Variants in EXOC7 observed in about 807,000 individuals in gnomAD.
EXOC7 encodes the protein exocyst complex component 7.
Under a neutral mutation model 87.6 loss-of-function variants are expected in EXOC7, and 51 were observed. The ratio of observed to expected loss-of-function variants is 0.58; its 90% CI spans 0.46 to 0.73. EXOC7 has a LOEUF of 0.73. Among genes scored for constraint, EXOC7 ranks in the 30% least tolerant of loss-of-function variants. EXOC7 has a pLI of 0.00. For synonymous variants in EXOC7, 327 were observed against 357.1 expected (o/e 0.92, Z 0.95); for missense variants, 744 against 888.4 (o/e 0.84, Z 2.07).
At position 76,085,265 on chromosome 17, in the gene EXOC7, G is replaced by A. The variant is rs140032664; in HGVS notation, c.1712+49C>T. The A allele has an allele frequency of 1.6e-3, 2,292 of 1,447,980 alleles. 28 individuals are homozygous for A. In the African/African-American group the frequency reaches 0.027, roughly 17 times the overall value. 89.7% of individuals were successfully genotyped at this position (1,447,980 alleles called of 1,614,324 possible). ...CTGAGGTGCTGAGAAGGAAGAGTGC[G>A]TGGTGGCACAGGGGCCCATGCAGGA... is the stretch of plus-strand genomic sequence containing the variant. On this transcript the variant is annotated intron_variant, in intron 15 of 18. Coordinates refer to ENST00000589210, the MANE Select transcript of EXOC7 (RefSeq NM_001013839.4).
Position 76,081,382 on chromosome 17 carries a change from G to A in EXOC7, c.*2266C>T. The A allele has an allele frequency of 6.2e-7, 1 of 1,614,132 alleles. No homozygotes were observed. The highest frequency in any genetic ancestry group is 1.1e-5 in the South Asian group (1 of 91,092). On this transcript the variant is annotated 3_prime_UTR_variant, in exon 19 of 19. Transcript: ENST00000589210. ...GACCCAAGTCCCACCCCAGCAGCTG[G>A]TGCCCTGCTTCCAGGTGACGGTGAG...
chr17:76,088,279 C>A, intron 10 of EXOC7, 157 bp from the exon 11 acceptor site: 1 of 957,510 alleles, frequency 1.0e-6, no homozygotes. Context: ...GAGGCCCTTC[C>A]CACTTCAGAG....
chr17:76,095,141 T>C (rs1226129495), intron 5 of EXOC7, among the ~76,000 whole-genome samples: 1 of 151,488 alleles, frequency 6.6e-6, no homozygotes, highest in East Asian at 2.0e-4. Flanking sequence ...TTTGTATTTT[T>C]AGTAGAGATG....
rs1364315901 is a variant in EXOC7, at chr17:76,103,388, C to G, written c.99G>C (p.Glu33Asp). The G allele has an allele frequency of 6.2e-7, 1 of 1,607,252 alleles. No individual in the cohort carries two copies. Among genetic ancestry groups the G allele is most frequent in the Non-Finnish European group, 8.5e-7 (1 of 1,177,020 alleles). The change falls in exon 2 of 19, where the codon GAG (glutamate) becomes GAC (aspartate). Residue 33 changes from glutamate (E) to aspartate (D), a missense_variant. Physicochemically the swap from Glu to Asp is conservative, Grantham distance 45. This residue lies in a region of EXOC7 where 512 missense variants were observed against 573.0 expected (regional missense o/e 0.89). Transcript: ENST00000589210. ...TGTTCTTAGTGAGCTGGTCGCTCTT[C>G]TCCAGGCTGTCTCGGATGAAGGACA... ...ETLSFIRDSL[E>D]KSDQLTKNMV...
chr17:76,101,544 G>A, intron 3 of EXOC7, 135 bp downstream of exon 3: 3 of 1,345,074 alleles, frequency 2.2e-6, no homozygotes, highest in Middle Eastern at 2.2e-4. Context: ...TCACTGTGTT[G>A]TCCAGACTGG....
In EXOC7 at chr17:76,088,087, G is replaced by A. The variant is rs149637527; in HGVS notation, c.1335C>T (p.Asp445=). The part of the protein sequence containing the change: ...DPDKEYNMPK[D]GTVHELTSNA... Reference sequence around the variant, plus strand: ...TGCTGGTGAGCTCGTGTACGGTGCCGTCCTTCGGCATGTTGTACTCCTTGT... The same window carrying A: ...TGCTGGTGAGCTCGTGTACGGTGCCATCCTTCGGCATGTTGTACTCCTTGT... Residue 445 remains aspartate, a synonymous_variant, in exon 11 of 19, where the codon GAC becomes GAT. Transcript: ENST00000589210. 1,325 of 1,613,980 alleles carry A rather than the reference G, an allele frequency of 8.2e-4. 9 individuals carry two copies. The highest frequency in any genetic ancestry group is 6.2e-3 in the East Asian group (278 of 44,878).
At position 76,084,243 on chromosome 17, in the gene EXOC7, C is replaced by T; in HGVS notation, c.1818+5G>A. 6.2e-7 allele frequency: 1 copy of T among 1,612,020 alleles called. No homozygotes were observed. The highest frequency in any genetic ancestry group is 8.5e-7 in the Non-Finnish European group (1 of 1,178,706). On this transcript the variant is annotated splice_donor_5th_base_variant and intron_variant, in intron 17 of 18. Transcript: ENST00000589210. ...AGCAGTGGAGGGGAGAGGACCCCGA[C>T]TCACCTTAAAACGCTCCTTGATAAT...
chr17:76,092,077 C>T (rs2067510135), intron 6 of EXOC7, among the ~76,000 whole-genome samples: 2 of 152,156 alleles, frequency 1.3e-5, no homozygotes, highest in Admixed American at 1.3e-4. Context: ...AATCAACTCG[C>T]ATCTCAAGCA....
intron 7 of EXOC7, chr17:76,090,646 G>A (rs750238997): frequency 1.5e-6 from 1 of 661,408 alleles, no homozygotes; most frequent in Non-Finnish European, 2.5e-6. Context: ...CGAGCCTGGA[G>A]GCCCAGGGAA....
chr17:76,097,377 C>T (rs1006090787), intron 5 of EXOC7, among the ~76,000 whole-genome samples: 5 of 152,008 alleles, frequency 3.3e-5, no homozygotes, highest in Non-Finnish European at 5.9e-5. Context: ...AGTTAAACAT[C>T]CTTTTATCAA....
Position 76,082,706 on chromosome 17 carries a change from TGGGGGC to T in EXOC7, c.*936_*941del. On this transcript the variant is annotated 3_prime_UTR_variant, in exon 19 of 19. Transcript: ENST00000589210. ...AGGATGAAGTTTGCTTTCCCATGGC[TGGGGGC>T]GGGCCATGACAGGGCCTCTGGATTA... 1 of 1,523,322 alleles carries T rather than the reference TGGGGGC, an allele frequency of 6.6e-7. No homozygotes were observed. The highest frequency in any genetic ancestry group is 8.8e-7 in the Non-Finnish European group (1 of 1,134,644). The allele number at this position is 1,523,322 out of a possible 1,614,324, so 94.4% of individuals were successfully genotyped here. A position where few individuals can be genotyped will look rare whatever the true frequency, so the allele number is the denominator to read the frequency against.
intron 3 of EXOC7, 140 bp downstream of exon 3, chr17:76,101,539 G>A: frequency 7.5e-7 from 1 of 1,337,138 alleles, no homozygotes; most frequent in Non-Finnish European, 1.0e-6. Flanking sequence ...GCGTCTCACT[G>A]TGTTGTCCAG....
In EXOC7 at chr17:76,094,593, C is replaced by A; in HGVS notation, c.641-12G>T. 1 of 1,609,678 alleles carries A rather than the reference C, an allele frequency of 6.2e-7. No individual in the cohort carries two copies. The highest frequency in any genetic ancestry group is 8.5e-7 in the Non-Finnish European group (1 of 1,177,690). ...GACGTTCATGAAATCTGAGGAGACA[C>A]AGAGGGATAGAGGTACGGCTGCCAG... On this transcript the variant is annotated splice_polypyrimidine_tract_variant and intron_variant, in intron 5 of 18. Transcript: ENST00000589210.
intron 4 of EXOC7, among the ~76,000 whole-genome samples, chr17:76,098,710 A>C (rs2144688868): frequency 6.6e-6 from 1 of 151,682 alleles, no homozygotes; most frequent in East Asian, 2.0e-4. Context: ...AAATACAAAA[A>C]AAAAAATTAG....
intron 9 of EXOC7, 58 bp downstream of exon 9, chr17:76,088,713 C>A: frequency 1.2e-6 from 2 of 1,607,776 alleles, no homozygotes; most frequent in South Asian, 2.2e-5. Flanking sequence ...ATGGGGCGGC[C>A]ACACCCGGCA....
intron 9 of EXOC7, 92 bp from the exon 10 acceptor site, chr17:76,088,654 C>T: frequency 6.3e-7 from 1 of 1,595,912 alleles, no homozygotes; most frequent in East Asian, 2.2e-5. Flanking sequence ...CTTCCATGCA[C>T]CTTCAGAGCA....
intron 1 of EXOC7, 101 bp downstream of exon 1, chr17:76,103,528 GGTGC>G: frequency 6.4e-7 from 1 of 1,562,936 alleles, no homozygotes; most frequent in Non-Finnish European, 8.7e-7. Context: ...CTCCTCGCTG[GGTGC>G]GCTCCCTCCC....
In EXOC7 at chr17:76,081,416, G is replaced by T. The variant is rs8836; in HGVS notation, c.*2232C>A. ...TTCCAGGTGACGGTGAGTCAAGTCGGGAGGAGGCCGACAGAGGGCTGCTGG... is the reference window on the plus strand; with the variant it reads ...TTCCAGGTGACGGTGAGTCAAGTCGTGAGGAGGCCGACAGAGGGCTGCTGG... On this transcript the variant is annotated 3_prime_UTR_variant, in exon 19 of 19. Transcript: ENST00000589210. 17 of 1,613,800 alleles carry T rather than the reference G, an allele frequency of 1.1e-5. No individual in the cohort carries two copies. In the Admixed American group the frequency reaches 2.2e-4, roughly 21 times the overall value.
chr17:76,089,937 G>A (rs755218181), intron 7 of EXOC7: 45 of 193,166 alleles, frequency 2.3e-4, no homozygotes, highest in South Asian at 1.4e-3. Flanking sequence ...TGGAGGCCAC[G>A]GCGGGGGCGC....
Sources: gnomAD v4.1 joint callset for allele counts (sites outside exome capture counted in the v4.1 genomes callset) on GRCh38, gnomAD v4.1.1 for gene constraint, gnomAD v4.1.1 regional missense constraint, MANE v1.5 for transcripts, NCBI Gene and HGNC (gene_info 2026-07-23, HGNC 2026-07-21) for gene names.